The following C10orf67 variants were observed in gnomAD, a reference collection of about 807,000 sequenced individuals.
The protein encoded by C10orf67 is chromosome 10 open reading frame 67.
C10orf67 carries 60 observed loss-of-function variants against 35.6 expected under a neutral mutation model. That is an observed-to-expected ratio of 1.68 (90% CI 1.37 to 2.09). The LOEUF (loss-of-function observed/expected upper bound fraction) is 2.09. Among genes scored for constraint, C10orf67 ranks in the 30% most tolerant of loss-of-function variants. C10orf67 has a pLI of 0.00. For synonymous variants in C10orf67, 167 were observed against 115.8 expected (o/e 1.44, Z -2.84); for missense variants, 474 against 330.2 (o/e 1.44, Z -3.38).
At chr10:23,339,209 ATGC>A (rs527604771) in intron 1 of C10orf67, among the ~76,000 whole-genome samples, 119 of 152,250 alleles carry the variant, frequency 7.8e-4, no homozygotes, top group African/African-American at 2.8e-3. Context: ...TGTGATCCTT[ATGC>A]TGCTGAAACA....
At chr10:23,282,227 A>G (rs1253346484) in intron 7 of C10orf67, 149 bp from the exon 8 acceptor site, 1 of 355,490 alleles carries the variant, frequency 2.8e-6, no homozygotes, top group Non-Finnish European at 5.2e-6. Context: ...ACAGATTATC[A>G]TCTTATATTA....
intron 13 of C10orf67, among the ~76,000 whole-genome samples, chr10:23,224,147 C>T (rs1429549508): frequency 6.6e-6 from 1 of 152,196 alleles, no homozygotes; most frequent in East Asian, 1.9e-4. Flanking sequence ...CAGACTGACA[C>T]CCCACATGGC....
In C10orf67 at chr10:23,291,210, C is replaced by G. The variant is rs1588659500; in HGVS notation, c.772G>C (p.Glu258Gln). ...LEKENLEYKV[E>Q]NERLLQIISE... is the part of the protein sequence containing the mutation. ...ATGATCTGAAGCAGCCTCTCATTTT[C>G]CACTTTGTACTCCAAATTTTCCTTT... The change falls in exon 6 of 16, where the codon GAA (glutamate) becomes CAA (glutamine). Residue 258 changes from glutamate (E) to glutamine (Q), a missense_variant. Coordinates refer to ENST00000636213, the MANE Select transcript of C10orf67 (RefSeq NM_001371909.1). 1 of 717,080 alleles carries G rather than the reference C, an allele frequency of 1.4e-6. No homozygotes were observed. The highest frequency in any genetic ancestry group is 1.5e-5 in the South Asian group (1 of 67,498). 44.4% of individuals were successfully genotyped at this position (717,080 alleles called of 1,614,324 possible). A position where few individuals can be genotyped will look rare whatever the true frequency, so the allele number is the denominator to read the frequency against.
chr10:23,268,796 G>A (rs1037666033), intron 8 of C10orf67, among the ~76,000 whole-genome samples: 4 of 152,148 alleles, frequency 2.6e-5, no homozygotes, highest in African/African-American at 9.7e-5. Flanking sequence ...TAGACTTTAC[G>A]GCATAGCCTA....
downstream of C10orf67, chr10:23,202,463 G>T (rs1841050143): frequency 6.9e-6 from 1 of 145,198 alleles, no homozygotes; most frequent in Admixed American, 6.8e-5. Flanking sequence ...TTTCTCAGCA[G>T]GGATTTTTTT....
intron 1 of C10orf67, among the ~76,000 whole-genome samples, chr10:23,338,366 T>A (rs1481765963): frequency 6.6e-6 from 1 of 152,012 alleles, no homozygotes; most frequent in Non-Finnish European, 1.5e-5. Flanking sequence ...ACAGCAGAGA[T>A]CAATACTGAG....
intron 1 of C10orf67, among the ~76,000 whole-genome samples, chr10:23,334,621 A>G (rs1386812778): frequency 6.6e-6 from 1 of 152,250 alleles, no homozygotes; most frequent in Non-Finnish European, 1.5e-5. Context: ...TATAACTCCA[A>G]GCTGGGCTAA....
chr10:23,285,091 G>C (rs1843492562), intron 7 of C10orf67, among the ~76,000 whole-genome samples: 1 of 152,118 alleles, frequency 6.6e-6, no homozygotes, highest in South Asian at 2.1e-4. Context: ...CTTCCCAGTT[G>C]ACAAAGCATG....
intron 3 of C10orf67, 88 bp downstream of exon 3, chr10:23,322,301 CCCTCA>C: frequency 7.7e-7 from 1 of 1,306,730 alleles, no homozygotes; most frequent in Non-Finnish European, 1.1e-6. Context: ...AATTACACTG[CCCTCA>C]CAAGTTACTA....
At chr10:23,224,579 C>T (rs865911542) in intron 13 of C10orf67, among the ~76,000 whole-genome samples, 10 of 152,216 alleles carry the variant, frequency 6.6e-5, no homozygotes, top group South Asian at 4.1e-4. Flanking sequence ...CAAACTTCTC[C>T]GAGCTAAAGG....
At chr10:23,238,668 TCTC>T (rs1437776950) in intron 13 of C10orf67, among the ~76,000 whole-genome samples, 1 of 152,150 alleles carries the variant, frequency 6.6e-6, no homozygotes, top group African/African-American at 2.4e-5. Context: ...GACACCATAT[TCTC>T]CTGGATCCTC....
At position 23,235,837 on chromosome 10, in the gene C10orf67, G is replaced by T. The variant is rs114468108; in HGVS notation, c.1434+3892C>A. Among the ~76,000 whole-genome samples the T allele has an allele frequency of 2.5e-3, 381 of 152,166 alleles. 2 individuals are homozygous for T. Among genetic ancestry groups the T allele is most frequent in the African/African-American group, 9.0e-3 (374 of 41,534 alleles). On this transcript the variant is annotated intron_variant, in intron 13 of 15. Coordinates refer to ENST00000636213, the MANE Select transcript of C10orf67 (RefSeq NM_001371909.1). ...AAAATTTAAAAACTAACAATATTGG[G>T]TGGGCACTGTGGCTCACACATGTAA...
intron 15 of C10orf67, among the ~76,000 whole-genome samples, chr10:23,217,528 C>T (rs1191336186): frequency 6.6e-6 from 1 of 152,134 alleles, no homozygotes; most frequent in East Asian, 1.9e-4. Flanking sequence ...ACCATAATGG[C>T]TTATGTGGTT....
chr10:23,328,111 A>G (rs1845270174), intron 2 of C10orf67, among the ~76,000 whole-genome samples: 1 of 152,166 alleles, frequency 6.6e-6, no homozygotes, highest in Non-Finnish European at 1.5e-5. Context: ...AGTTTGTAGG[A>G]GCTAAAAATG....
intron 1 of C10orf67, chr10:23,344,342 AGGGGAGTGGAGAGGG>A (rs1184058745): frequency 4.4e-6 from 2 of 457,478 alleles, no homozygotes; most frequent in African/African-American, 9.9e-5. Context: ...GCGCGGGAGG[AGGGGAGTGGAGAGGG>A]GGAGGAGGAG....
At chr10:23,262,712 T>C (rs537497620) in intron 10 of C10orf67, among the ~76,000 whole-genome samples, 1 of 152,222 alleles carries the variant, frequency 6.6e-6, no homozygotes, top group Non-Finnish European at 1.5e-5. Flanking sequence ...AAACGCTATT[T>C]TCACTAGAAT....
intron 15 of C10orf67, among the ~76,000 whole-genome samples, chr10:23,223,138 G>A (rs1288484586): frequency 6.6e-6 from 1 of 151,994 alleles, no homozygotes; most frequent in Non-Finnish European, 1.5e-5. Context: ...GGAGTACAGT[G>A]GCTTGATCTT....
rs1841650275 is a variant in C10orf67, at chr10:23,223,593, C to T, written c.1570+5G>A. The T allele has an allele frequency of 1.4e-6, 1 of 717,376 alleles. No individual in the cohort carries two copies. Among genetic ancestry groups the T allele is most frequent in the Non-Finnish European group, 2.6e-6 (1 of 384,924 alleles). The allele number at this position is 717,376 out of a possible 1,614,324, so 44.4% of individuals were successfully genotyped here. On this transcript the variant is annotated splice_donor_5th_base_variant and intron_variant, in intron 15 of 15. Coordinates refer to ENST00000636213, the MANE Select transcript of C10orf67 (RefSeq NM_001371909.1). The stretch of plus-strand genomic sequence containing the variant: ...AACCTCATTTCCAACAATAATGATT[C>T]TTACCTTTTGGTGAAAGTTGAAGGG...
chr10:23,322,681 C>A (rs145400430), intron 2 of C10orf67, 144 bp from the exon 3 acceptor site: 2 of 576,740 alleles, frequency 3.5e-6, no homozygotes, highest in Non-Finnish European at 6.1e-6. Flanking sequence ...GGCCTACTTA[C>A]GGTGGTGAGC....
Sources: allele counts gnomAD v4.1 joint callset (sites outside exome capture counted in the v4.1 genomes callset), GRCh38; gene constraint gnomAD v4.1.1; transcripts MANE v1.5; gene names NCBI Gene and HGNC (gene_info 2026-07-23, HGNC 2026-07-21).